Variants in CMSS1 observed in about 807,000 individuals in gnomAD.
The protein encoded by CMSS1 is cms1 ribosomal small subunit homolog.
In CMSS1, 33 loss-of-function variants were observed where a neutral mutation model predicts 43.5. The ratio of observed to expected loss-of-function variants is 0.76; its 90% CI spans 0.57 to 1.01. CMSS1 has a LOEUF of 1.01. CMSS1 is among the 50% of genes least tolerant of loss of function. The probability of loss-of-function intolerance (pLI) is 0.00; values close to 1 mark genes in which losing one functional copy is unlikely to be tolerated. For missense variants in CMSS1, 313 were observed against 326.4 expected (o/e 0.96, Z 0.32); for synonymous variants, 115 against 117.2 (o/e 0.98, Z 0.12).
intron 1 of CMSS1, among the ~76,000 whole-genome samples, chr3:99,983,134 A>C (rs1017721027): frequency 6.6e-6 from 1 of 151,542 alleles, no homozygotes; most frequent in African/African-American, 2.4e-5. Flanking sequence ...CTATTATCTC[A>C]CTTGCCTTAA....
intron 1 of CMSS1, among the ~76,000 whole-genome samples, chr3:99,903,525 C>G (rs992304846): frequency 6.6e-6 from 1 of 152,290 alleles, no homozygotes. Context: ...GCTGGGATTA[C>G]AGGCGTGAGC....
At chr3:100,064,032 G>A (rs143699854) in intron 1 of CMSS1, among the ~76,000 whole-genome samples, 51 of 152,198 alleles carry the variant, frequency 3.4e-4, no homozygotes, top group African/African-American at 1.2e-3. Context: ...CTCAAACCTC[G>A]GACCTCTAGA....
chr3:100,050,639 C>A, intron 1 of CMSS1, among the ~76,000 whole-genome samples: 1 of 152,162 alleles, frequency 6.6e-6, no homozygotes. Flanking sequence ...TCAAGCGATT[C>A]TCCTGCCTCA....
intron 1 of CMSS1, among the ~76,000 whole-genome samples, chr3:100,021,952 TGTGTGTGTGAGAGAGAGAGA>T (rs781126185): frequency 0.018 from 1,953 of 111,240 alleles, 26 homozygotes; most frequent in East Asian, 0.1. Flanking sequence ...TGTGTGTGTG[TGTGTGTGTGAGAGAGAGAGA>T]GAGAGAGAGA....
chr3:100,149,666 A>G (rs2066885984), intron 2 of CMSS1, among the ~76,000 whole-genome samples: 1 of 152,070 alleles, frequency 6.6e-6, no homozygotes, highest in Admixed American at 6.5e-5. Context: ...TCTGCCTCAT[A>G]TGAGTGTTGC....
At chr3:99,914,928 T>A (rs771394422) in intron 1 of CMSS1, among the ~76,000 whole-genome samples, 1 of 152,242 alleles carries the variant, frequency 6.6e-6, no homozygotes, top group East Asian at 1.9e-4. Flanking sequence ...ATGGTCATGA[T>A]GTTTTTGTTA....
At chr3:99,838,302 G>T (rs1488303292) in intron 1 of CMSS1, among the ~76,000 whole-genome samples, 1 of 152,120 alleles carries the variant, frequency 6.6e-6, no homozygotes, top group Non-Finnish European at 1.5e-5. Flanking sequence ...ATTATCTCTT[G>T]TCACCCTAAC....
intron 1 of CMSS1, among the ~76,000 whole-genome samples, chr3:100,050,818 C>G (rs1331805813): frequency 6.6e-6 from 1 of 152,170 alleles, no homozygotes; most frequent in African/African-American, 2.4e-5. Context: ...GCATGAACCA[C>G]CGCACCCAGC....
chr3:99,855,684 A>G lies in CMSS1; in HGVS notation c.64+37641A>G, dbSNP rs562740364. ...ATCAACTTAAAAAATCTTACTTAAC[A>G]TTGCATTTGTATTCTTTTTAAAAAG... is the stretch of plus-strand genomic sequence containing the variant. On this transcript the variant is annotated intron_variant, in intron 1 of 9. Transcript: ENST00000421999. 2.0e-5 allele frequency among the ~76,000 whole-genome samples: 3 copies of G among 152,208 alleles called. No individual in the cohort carries two copies. The East Asian group carries it at 5.8e-4, about 29-fold the overall frequency.
At chr3:99,910,647 A>G (rs1378489172) in intron 1 of CMSS1, among the ~76,000 whole-genome samples, 1 of 136,534 alleles carries the variant, frequency 7.3e-6, no homozygotes, top group African/African-American at 2.5e-5. Flanking sequence ...AATTCTAACT[A>G]TTATCTCCAT....
In CMSS1 at chr3:100,032,899, T is replaced by G. The variant is rs530208028; in HGVS notation, c.65-114074T>G. Among the ~76,000 whole-genome samples, 9 of 152,306 alleles carry G rather than the reference T, an allele frequency of 5.9e-5. No individual in the cohort carries two copies. The South Asian group carries it at 1.9e-3, about 32-fold the overall frequency. On this transcript the variant is annotated intron_variant, in intron 1 of 9. Coordinates refer to ENST00000421999, the MANE Select transcript of CMSS1 (RefSeq NM_032359.4). The stretch of plus-strand genomic sequence containing the variant: ...AACATACATTATTACATTTATTCCC[T>G]GCAACAAGCCTGCAAGGTAGGTATT...
intron 1 of CMSS1, among the ~76,000 whole-genome samples, chr3:100,033,999 A>G (rs2065064230): frequency 1.3e-5 from 2 of 152,338 alleles, no homozygotes; most frequent in South Asian, 4.1e-4. Context: ...GACACACAGT[A>G]TGGTTATTTG....
chr3:99,850,776 T>G, intron 1 of CMSS1: 1 of 1,614,230 alleles, frequency 6.2e-7, no homozygotes, highest in African/African-American at 1.3e-5. Context: ...GGTGAAACTT[T>G]GTGGTCTGCG....
At chr3:99,848,325 G>T (rs1455201814) in intron 1 of CMSS1, 3 of 1,614,114 alleles carry the variant, frequency 1.9e-6, no homozygotes, top group Non-Finnish European at 2.5e-6. Context: ...GAAGAGGTGT[G>T]GCTGTTGGTG....
intron 3 of CMSS1, 47 bp downstream of exon 3, chr3:100,160,548 A>G (rs375123646): frequency 2.2e-6 from 2 of 927,780 alleles, no homozygotes; most frequent in East Asian, 2.6e-5. Context: ...CATGGTTTCC[A>G]TCACATTTTT....
intron 1 of CMSS1, among the ~76,000 whole-genome samples, chr3:99,995,902 G>T (rs140332408): frequency 2.6e-4 from 39 of 152,252 alleles, no homozygotes; most frequent in African/African-American, 9.1e-4. Context: ...CCATTTTCTC[G>T]TAGGCCTCTG....
intron 1 of CMSS1, among the ~76,000 whole-genome samples, chr3:99,952,708 C>G (rs993648622): frequency 1.4e-4 from 22 of 151,970 alleles, no homozygotes; most frequent in African/African-American, 5.3e-4. Context: ...TAAATAATAT[C>G]TATAGTTTAC....
Position 100,172,361 on chromosome 3 carries a change from G to T in CMSS1, c.625G>T (p.Gly209Cys). ...GCTGGAGAAGCGTGTGGTGCACCTGGGTGTAGGAACTCCGGGGAGAATTAA... is the reference window on the plus strand; with the variant it reads ...GCTGGAGAAGCGTGTGGTGCACCTGTGTGTAGGAACTCCGGGGAGAATTAA... Reference protein sequence around the residue: ...KLLEKRVVHLGVGTPGRIKEL... With the variant: ...KLLEKRVVHLCVGTPGRIKEL... Residue 209 changes from glycine to cysteine, a missense_variant, in exon 8 of 10, where the codon GGT becomes TGT. Physicochemically the swap from Gly to Cys is radical, Grantham distance 159. Transcript: ENST00000421999. 6.2e-7 allele frequency: 1 copy of T among 1,613,880 alleles called. No homozygotes were observed. Among genetic ancestry groups the T allele is most frequent in the Non-Finnish European group, 8.5e-7 (1 of 1,179,876 alleles).
At position 100,122,992 on chromosome 3, in the gene CMSS1, A is replaced by G. The variant is rs530838861; in HGVS notation, c.65-23981A>G. On this transcript the variant is annotated intron_variant, in intron 1 of 9. Transcript: ENST00000421999. ...TTACATGTCCACTATGTCCAGGCATATCTTGAATACTGGGGAGATTATATT... is the reference window on the plus strand; with the variant it reads ...TTACATGTCCACTATGTCCAGGCATGTCTTGAATACTGGGGAGATTATATT... 3.3e-5 allele frequency among the ~76,000 whole-genome samples: 5 copies of G among 152,346 alleles called. No individual in the cohort carries two copies. The East Asian group carries it at 9.6e-4, about 29-fold the overall frequency.
Sources: gnomAD v4.1 joint callset for allele counts (sites outside exome capture counted in the v4.1 genomes callset) on GRCh38, gnomAD v4.1.1 for gene constraint, MANE v1.5 for transcripts, NCBI Gene and HGNC (gene_info 2026-07-23, HGNC 2026-07-21) for gene names.